DIAPH2: variants seen among roughly 807,000 people sequenced by gnomAD.
DIAPH2 encodes protein diaphanous homolog 2.
A neutral mutation model predicts 92.7 loss-of-function variants in DIAPH2; 35 were observed. That is an observed-to-expected ratio of 0.38 (90% CI 0.29 to 0.50). DIAPH2 has a LOEUF of 0.50. Among genes scored for constraint, DIAPH2 ranks in the 20% least tolerant of loss-of-function variants. The pLI, the probability that DIAPH2 is intolerant of heterozygous loss-of-function variation, is 0.94. For synonymous variants in DIAPH2, 301 were observed against 280.4 expected (o/e 1.07, Z -0.73); for missense variants, 701 against 819.5 (o/e 0.86, Z 1.77).
At chrX:96,899,768 A>G (rs951409989) in intron 5 of DIAPH2, among the ~76,000 whole-genome samples, 2 of 109,548 alleles carry the variant, frequency 1.8e-5, no homozygotes, top group African/African-American at 6.6e-5. Context: ...CACTATGTTG[A>G]ATAGGAGTGG....
At chrX:97,026,140 A>C (rs1371855000) in intron 17 of DIAPH2, among the ~76,000 whole-genome samples, 1 of 112,422 alleles carries the variant, frequency 8.9e-6, no homozygotes, top group Non-Finnish European at 1.9e-5. Context: ...TTTTAGAATC[A>C]TTGTAATCCA....
chrX:96,778,073 C>T (rs968442150), intron 4 of DIAPH2, among the ~76,000 whole-genome samples: 10 of 96,795 alleles, frequency 1.0e-4, no homozygotes, highest in African/African-American at 3.4e-4. Context: ...TGATGTTCCC[C>T]TTCCTGTGTC....
intron 26 of DIAPH2, among the ~76,000 whole-genome samples, chrX:97,522,712 T>C (rs1359788155): frequency 1.8e-5 from 2 of 112,703 alleles, no homozygotes; most frequent in Non-Finnish European, 3.7e-5. Flanking sequence ...TTATGGTCAT[T>C]ATTAATATTT....
chrX:96,849,680 A>G (rs1310771588), intron 4 of DIAPH2, among the ~76,000 whole-genome samples: 1 of 112,211 alleles, frequency 8.9e-6, no homozygotes, highest in Middle Eastern at 4.6e-3. Context: ...TTTTGTCAGG[A>G]GTAGAATATA....
intron 17 of DIAPH2, among the ~76,000 whole-genome samples, chrX:96,980,404 C>T (rs1426369872): frequency 9.0e-6 from 1 of 111,122 alleles, no homozygotes; most frequent in African/African-American, 3.3e-5. Flanking sequence ...TTCTCTCCAA[C>T]GTTCAGCTGC....
intron 23 of DIAPH2, among the ~76,000 whole-genome samples, chrX:97,284,172 T>C (rs1428197990): frequency 1.8e-5 from 2 of 111,652 alleles, no homozygotes; most frequent in African/African-American, 6.5e-5. Flanking sequence ...TTTTTTAGTA[T>C]TTTAATAACC....
At chrX:96,740,040 A>T (rs757724737) in intron 3 of DIAPH2, among the ~76,000 whole-genome samples, 1 of 112,189 alleles carries the variant, frequency 8.9e-6, no homozygotes, top group South Asian at 3.7e-4. Context: ...TTGCATTTAT[A>T]TATTTAGCTA....
chrX:97,089,185 C>G (rs1248681730), intron 19 of DIAPH2, among the ~76,000 whole-genome samples: 1 of 112,202 alleles, frequency 8.9e-6, no homozygotes, highest in Non-Finnish European at 1.9e-5. Flanking sequence ...ACAACAGATG[C>G]TAAAACAGTA....
At chrX:96,769,635 A>C (rs890967165) in intron 4 of DIAPH2, among the ~76,000 whole-genome samples, 1 of 111,783 alleles carries the variant, frequency 8.9e-6, no homozygotes, top group African/African-American at 3.3e-5. Context: ...ATCATTTACC[A>C]GATAAACAAT....
chrX:97,290,096 T>TATATAA (rs1556018749), intron 23 of DIAPH2, among the ~76,000 whole-genome samples: 7 of 106,405 alleles, frequency 6.6e-5, no homozygotes, highest in African/African-American at 1.7e-4. Flanking sequence ...TATATATATA[T>TATATAA]AATTAGATAT....
At chrX:97,391,302 A>G (rs1331511987) in intron 25 of DIAPH2, among the ~76,000 whole-genome samples, 2 of 111,509 alleles carry the variant, frequency 1.8e-5, no homozygotes, top group Non-Finnish European at 3.8e-5. Context: ...GAGACATATC[A>G]TATGTGAATC....
chrX:97,549,890 C>G (rs187087017), intron 26 of DIAPH2, among the ~76,000 whole-genome samples: 1 of 112,137 alleles, frequency 8.9e-6, no homozygotes, highest in Admixed American at 9.5e-5. Flanking sequence ...TAGTACATCT[C>G]CAAGTAAGCA....
At chrX:96,914,792 G>A (rs1450945689) in intron 7 of DIAPH2, among the ~76,000 whole-genome samples, 2 of 111,252 alleles carry the variant, frequency 1.8e-5, no homozygotes, top group East Asian at 2.8e-4. Context: ...GTTAGGCCAC[G>A]TTAATGTCTT....
intron 26 of DIAPH2, among the ~76,000 whole-genome samples, chrX:97,555,779 A>T (rs948632214): frequency 2.7e-5 from 3 of 112,111 alleles, no homozygotes; most frequent in Non-Finnish European, 5.6e-5. Flanking sequence ...TTTAGCAAAG[A>T]CTACATTAAT....
At chrX:96,763,838 C>T (rs751922487) in intron 4 of DIAPH2, among the ~76,000 whole-genome samples, 1 of 111,201 alleles carries the variant, frequency 9.0e-6, no homozygotes, top group East Asian at 2.8e-4. Context: ...CATGACTAAG[C>T]ACTCCCTAGA....
At chrX:97,567,385 A>C (rs1457990778) in intron 26 of DIAPH2, among the ~76,000 whole-genome samples, 2 of 112,006 alleles carry the variant, frequency 1.8e-5, no homozygotes, top group Admixed American at 9.5e-5. Flanking sequence ...TTCAATAGCT[A>C]CTCAATAGCT....
At chrX:96,856,093 CAATT>C (rs769191785) in intron 4 of DIAPH2, among the ~76,000 whole-genome samples, 1 of 111,952 alleles carries the variant, frequency 8.9e-6, no homozygotes, top group African/African-American at 3.2e-5. Flanking sequence ...AAAAACTAAT[CAATT>C]AAAGTGTGTG....
chrX:97,200,053 G>C (rs1025680799), intron 22 of DIAPH2, among the ~76,000 whole-genome samples: 1 of 110,428 alleles, frequency 9.1e-6, no homozygotes, highest in Non-Finnish European at 1.9e-5. Context: ...CCCAAAGAGA[G>C]TGAGCACAAG....
chrX:97,588,189 G>GT (rs1243882814), intron 26 of DIAPH2, among the ~76,000 whole-genome samples: 1 of 112,298 alleles, frequency 8.9e-6, no homozygotes, highest in African/African-American at 3.2e-5. Flanking sequence ...GGAAACTGCT[G>GT]TTTAGAAAGG....
Sources: allele counts gnomAD v4.1 joint callset (sites outside exome capture counted in the v4.1 genomes callset), GRCh38; gene constraint gnomAD v4.1.1; transcripts MANE v1.5; gene names NCBI Gene and HGNC (gene_info 2026-07-23, HGNC 2026-07-21).